The following DENND5B variants were observed in gnomAD, a reference collection of about 807,000 sequenced individuals.
DENND5B encodes DENN domain containing 5B.
Under a neutral mutation model 140.6 loss-of-function variants are expected in DENND5B, and 34 were observed. The ratio of observed to expected loss-of-function variants is 0.24; its 90% CI spans 0.18 to 0.32. The LOEUF (loss-of-function observed/expected upper bound fraction) is 0.32. Among genes scored for constraint, DENND5B ranks in the 10% least tolerant of loss-of-function variants. The pLI, the probability that DENND5B is intolerant of heterozygous loss-of-function variation, is 1.00. For synonymous variants in DENND5B, 551 were observed against 562.1 expected (o/e 0.98, Z 0.28); for missense variants, 1,142 against 1,560.2 (o/e 0.73, Z 4.52).
chr12:31,543,311 G>A (rs1948749961), intron 1 of DENND5B, among the ~76,000 whole-genome samples: 1 of 152,186 alleles, frequency 6.6e-6, no homozygotes, highest in South Asian at 2.1e-4. Flanking sequence ...GTAAGATGAT[G>A]TGTGTGGTAT....
intron 1 of DENND5B, among the ~76,000 whole-genome samples, chr12:31,565,620 G>GCC (rs1270111471): frequency 6.6e-6 from 1 of 152,118 alleles, no homozygotes; most frequent in East Asian, 1.9e-4. Context: ...GTATATAAAT[G>GCC]CCCTGCTCTC....
intron 1 of DENND5B, among the ~76,000 whole-genome samples, chr12:31,570,957 T>C (rs1359138903): frequency 6.6e-6 from 1 of 152,020 alleles, no homozygotes; most frequent in Non-Finnish European, 1.5e-5. Context: ...AGCCAAAACA[T>C]AATAAGACAA....
chr12:31,590,658 C>T (rs369687591), intron 1 of DENND5B, 48 bp downstream of exon 1: 12 of 1,417,954 alleles, frequency 8.5e-6, no homozygotes, highest in Middle Eastern at 2.6e-4. Context: ...CCCACAGCGT[C>T]CCCCGCGCCC....
At chr12:31,582,851 T>C (rs1430705308) in intron 1 of DENND5B, among the ~76,000 whole-genome samples, 1 of 152,266 alleles carries the variant, frequency 6.6e-6, no homozygotes, top group African/African-American at 2.4e-5. Context: ...CATATGTTAC[T>C]AGGGAGACAG....
chr12:31,494,093 C>T (rs1038329838), intron 2 of DENND5B, among the ~76,000 whole-genome samples: 1 of 151,936 alleles, frequency 6.6e-6, no homozygotes, highest in African/African-American at 2.4e-5. Flanking sequence ...AAACTATGAC[C>T]TACTTTATTT....
intron 1 of DENND5B, among the ~76,000 whole-genome samples, chr12:31,543,287 A>G (rs1013731285): frequency 3.3e-5 from 5 of 152,226 alleles, no homozygotes; most frequent in African/African-American, 1.2e-4. Flanking sequence ...GTTTTGTAAC[A>G]GAAAATGTTA....
intron 1 of DENND5B, among the ~76,000 whole-genome samples, chr12:31,543,892 G>A (rs60903468): frequency 0.15 from 22,634 of 152,096 alleles, 1,891 homozygotes; most frequent in East Asian, 0.25. Flanking sequence ...AAATATGGCC[G>A]GCACAATGGC....
chr12:31,527,734 T>TG (rs1948136724), intron 1 of DENND5B, among the ~76,000 whole-genome samples: 1 of 151,982 alleles, frequency 6.6e-6, no homozygotes, highest in South Asian at 2.1e-4. Flanking sequence ...GCTGAGATCA[T>TG]GCCACTACAC....
rs551766042 is a variant in DENND5B, at chr12:31,415,371, T to C, written c.2548A>G (p.Met850Val). Residue 850 changes from methionine to valine, a missense_variant, in exon 12 of 21, where the codon ATG (methionine) becomes GTG (valine). Met to Val is a conservative substitution (Grantham distance 21). This residue lies in a region of DENND5B where 268 missense variants were observed against 349.2 expected (regional missense o/e 0.77). Transcript: ENST00000389082. ...PTLRVSLIQD[M>V]RHIQNMSEIK... Reference sequence around the variant, plus strand: ...ACATGTATTAATAACAAATACCTCATGTCCTGAATAAGAGAGACCCTGAGC... The same window carrying C: ...ACATGTATTAATAACAAATACCTCACGTCCTGAATAAGAGAGACCCTGAGC... 7 of 1,606,678 alleles carry C rather than the reference T, an allele frequency of 4.4e-6. No homozygotes were observed. Among genetic ancestry groups the C allele is most frequent in the African/African-American group, 2.7e-5 (2 of 74,856 alleles).
At chr12:31,580,972 G>A (rs1189847059) in intron 1 of DENND5B, among the ~76,000 whole-genome samples, 4 of 152,064 alleles carry the variant, frequency 2.6e-5, no homozygotes, top group Non-Finnish European at 4.4e-5. Flanking sequence ...AGGCATAGTG[G>A]TGCACACCTA....
At chr12:31,494,559 C>A (rs566462743) in intron 2 of DENND5B, among the ~76,000 whole-genome samples, 105 of 152,266 alleles carry the variant, frequency 6.9e-4, no homozygotes, top group Non-Finnish European at 1.3e-3. Context: ...TCCCCCTACC[C>A]TTTTTCTGCA....
intron 1 of DENND5B, among the ~76,000 whole-genome samples, chr12:31,503,725 A>G (rs141480941): frequency 1.3e-5 from 2 of 152,340 alleles, no homozygotes; most frequent in African/African-American, 4.8e-5. Context: ...ATATTTACCA[A>G]TAGTTCCAAT....
At chr12:31,532,723 ACTT>A (rs906258108) in intron 1 of DENND5B, among the ~76,000 whole-genome samples, 3 of 152,198 alleles carry the variant, frequency 2.0e-5, no homozygotes, top group Non-Finnish European at 2.9e-5. Flanking sequence ...AGTATTCAGA[ACTT>A]CTAAGTTTCT....
intron 19 of DENND5B, 123 bp downstream of exon 19, chr12:31,392,144 A>G (rs76934965): frequency 0.014 from 15,053 of 1,048,096 alleles, 189 homozygotes; most frequent in East Asian, 0.022. Context: ...GTCTCAAAAA[A>G]AAAAAAAGAA....
intron 3 of DENND5B, among the ~76,000 whole-genome samples, chr12:31,475,139 T>C (rs1038066): frequency 0.21 from 32,264 of 152,074 alleles, 3,756 homozygotes; most frequent in African/African-American, 0.29. Context: ...CAGCACTAAC[T>C]CACTGCTGTT....
chr12:31,555,377 T>C (rs1485478021), intron 1 of DENND5B, among the ~76,000 whole-genome samples: 6 of 152,198 alleles, frequency 3.9e-5, no homozygotes, highest in African/African-American at 1.4e-4. Context: ...CGGATATTGG[T>C]GAACCGCAGA....
intron 13 of DENND5B, among the ~76,000 whole-genome samples, chr12:31,410,171 T>G (rs1200517366): frequency 1.3e-5 from 2 of 152,280 alleles, no homozygotes; most frequent in South Asian, 2.1e-4. Flanking sequence ...TCACAGTTGG[T>G]GAGACTGAAA....
At chr12:31,484,857 G>A (rs190746314) in intron 2 of DENND5B, among the ~76,000 whole-genome samples, 126 of 152,090 alleles carry the variant, frequency 8.3e-4, no homozygotes, top group South Asian at 2.1e-4. Flanking sequence ...TTCAAGTGTC[G>A]TCTTCTCTTA....
At position 31,385,310 on chromosome 12, in the gene DENND5B, T is replaced by G. The variant is rs1415654706; in HGVS notation, c.*2293A>C. 6.6e-6 allele frequency: 1 copy of G among 152,220 alleles called. No individual in the cohort carries two copies. Among genetic ancestry groups the G allele is most frequent in the Non-Finnish European group, 1.5e-5 (1 of 68,046 alleles). The allele number at this position is 152,220 out of a possible 1,614,324, so 9.4% of individuals were successfully genotyped here. A position where few individuals can be genotyped will look rare whatever the true frequency, so the allele number is the denominator to read the frequency against. ...CAAACATGAATTCTAGAGCTTGTGT[T>G]GTCAGTAACCAGCTGTGGGGTAAGT... On this transcript the variant is annotated 3_prime_UTR_variant, in exon 21 of 21. Transcript: ENST00000389082.
Sources: allele counts gnomAD v4.1 joint callset (sites outside exome capture counted in the v4.1 genomes callset), GRCh38; gene constraint gnomAD v4.1.1; regional missense constraint gnomAD v4.1.1; transcripts MANE v1.5; gene names NCBI Gene and HGNC (gene_info 2026-07-23, HGNC 2026-07-21).